KCNQ1OT1: variants seen among roughly 807,000 people sequenced by gnomAD.
KCNQ1OT1 encodes KCNQ1 antisense RNA 2 (non-protein coding).
At chr11:2,692,377 T>C (rs1012722182) in exon 1 of KCNQ1OT1, 8 of 398,672 alleles carry the variant, frequency 2.0e-5, no homozygotes, top group African/African-American at 1.6e-4. Flanking sequence ...CATTCTCACA[T>C]CCCCTGCCCC....
In KCNQ1OT1 at chr11:2,694,740, T is replaced by G. The variant is rs1590037470; in HGVS notation, n.5255A>C. On this transcript the variant is annotated non_coding_transcript_exon_variant, in exon 1 of 1. Transcript: ENST00000597346. Reference sequence around the variant, plus strand: ...AAGAGATAGGCAGCCAACAAATAAGTAGATGTCTAAGGAACTAGAAAAGCG... The same window carrying G: ...AAGAGATAGGCAGCCAACAAATAAGGAGATGTCTAAGGAACTAGAAAAGCG... 6 of 398,366 alleles carry G rather than the reference T, an allele frequency of 1.5e-5. No homozygotes were observed. The East Asian group carries it at 1.8e-4, about 12-fold the overall frequency. 24.7% of individuals were successfully genotyped at this position (398,366 alleles called of 1,614,324 possible). A position where few individuals can be genotyped will look rare whatever the true frequency, so the allele number is the denominator to read the frequency against.
rs1322329405 is a variant in KCNQ1OT1, at chr11:2,626,743, G to T, written n.73252C>A. On this transcript the variant is annotated non_coding_transcript_exon_variant, in exon 1 of 1. Coordinates refer to ENST00000597346, the Ensembl canonical transcript of KCNQ1OT1. The surrounding 1 kb of genome is among the most constrained non-coding windows in gnomAD (Gnocchi z 4.0). ...GAGGTCTCCCTGTGTTCCCCAGGCT[G>T]GTCTCAAACTCCTGGACTCAGAAGT... 2.5e-6 allele frequency: 1 copy of T among 398,216 alleles called. No individual in the cohort carries two copies. Among genetic ancestry groups the T allele is most frequent in the African/African-American group, 2.1e-5 (1 of 48,522 alleles). The allele number at this position is 398,216 out of a possible 1,614,324, so 24.7% of individuals were successfully genotyped here.
chr11:2,651,844 G>A lies in KCNQ1OT1; in HGVS notation n.48151C>T. The A allele has an allele frequency of 2.5e-6, 1 of 398,642 alleles. No homozygotes were observed. The highest frequency in any genetic ancestry group is 4.4e-6 in the Non-Finnish European group (1 of 226,096). 24.7% of individuals were successfully genotyped at this position (398,642 alleles called of 1,614,324 possible). ...GCCCACAGGACCATACCAGACAGAT[G>A]CCACCACATCTTTTCTTGAAGTAGT... On this transcript the variant is annotated non_coding_transcript_exon_variant, in exon 1 of 1. Transcript: ENST00000597346. This position sits in a 1 kb window ranked among gnomAD's most constrained non-coding sequence, Gnocchi z 6.1.
chr11:2,688,518 C>A, exon 1 of KCNQ1OT1: 1 of 398,658 alleles, frequency 2.5e-6, no homozygotes, highest in South Asian at 1.3e-4. Context: ...AGGTAGAGGT[C>A]ACACAGCCAG....
rs912283343 is a variant in KCNQ1OT1, at chr11:2,627,969, C to T, written n.72026G>A. On this transcript the variant is annotated non_coding_transcript_exon_variant, in exon 1 of 1. Coordinates refer to ENST00000597346, the Ensembl canonical transcript of KCNQ1OT1. The surrounding 1 kb of genome is among the most constrained non-coding windows in gnomAD (Gnocchi z 4.9). Reference sequence around the variant, plus strand: ...GTATCACTATGTTTCCTAGGCTGGTCTCAAACTCCTGTGTTCAAGCTATCC... The same window carrying T: ...GTATCACTATGTTTCCTAGGCTGGTTTCAAACTCCTGTGTTCAAGCTATCC... 7 of 398,440 alleles carry T rather than the reference C, an allele frequency of 1.8e-5. No individual in the cohort carries two copies. The highest frequency in any genetic ancestry group is 1.2e-4 in the African/African-American group (6 of 48,586). The allele number at this position is 398,440 out of a possible 1,614,324, so 24.7% of individuals were successfully genotyped here.
chr11:2,638,844 T>C (rs1393013551), exon 1 of KCNQ1OT1: 1 of 152,246 alleles, frequency 6.6e-6, no homozygotes, highest in African/African-American at 2.4e-5. Flanking sequence ...GTCATTTTCA[T>C]GTACACCAGT....
At position 2,657,093 on chromosome 11, in the gene KCNQ1OT1, G is replaced by C; in HGVS notation, n.42902C>G. On this transcript the variant is annotated non_coding_transcript_exon_variant, in exon 1 of 1. Transcript: ENST00000597346. The surrounding 1 kb of genome is among the most constrained non-coding windows in gnomAD (Gnocchi z 4.8). ...CCCATTGGCCTATTTGTCTCTCCCT[G>C]TGTCAATACCACATTGCCCTAATGA... 2.5e-6 allele frequency: 1 copy of C among 398,584 alleles called. No homozygotes were observed. The highest frequency in any genetic ancestry group is 4.4e-6 in the Non-Finnish European group (1 of 226,066). 24.7% of individuals were successfully genotyped at this position (398,584 alleles called of 1,614,324 possible).
Position 2,698,162 on chromosome 11 carries a change from G to C in KCNQ1OT1, n.1833C>G, listed in dbSNP as rs1290078982. 2.5e-6 allele frequency: 1 copy of C among 398,582 alleles called. No individual in the cohort carries two copies. The allele number at this position is 398,582 out of a possible 1,614,324, so 24.7% of individuals were successfully genotyped here. On this transcript the variant is annotated non_coding_transcript_exon_variant, in exon 1 of 1. Transcript: ENST00000597346. This position sits in a 1 kb window ranked among gnomAD's most constrained non-coding sequence, Gnocchi z 5.1. ...GAAAACAAAACAGAGTTCCTCGTTG[G>C]GAGCTTTTGGTCTAGCAAAAGGGGC...
exon 1 of KCNQ1OT1, chr11:2,646,579 G>A: frequency 5.0e-6 from 2 of 398,626 alleles, no homozygotes; most frequent in South Asian, 1.3e-4. Flanking sequence ...AGGCTGGGGT[G>A]CAATGGTGCA....
rs965260330 is a variant in KCNQ1OT1 at position 2,678,242 on chromosome 11, C to G, written n.21753G>C. ...GTCTTTTATGGTTTGAGGTCCTTAT[C>G]TTAAATTCTGAAATAACCTCTCATC... On this transcript the variant is annotated non_coding_transcript_exon_variant, in exon 1 of 1. Coordinates refer to ENST00000597346, the Ensembl canonical transcript of KCNQ1OT1. The surrounding 1 kb of genome is among the most constrained non-coding windows in gnomAD (Gnocchi z 4.9). The G allele has an allele frequency of 7.5e-6, 3 of 398,216 alleles. No homozygotes were observed. The highest frequency in any genetic ancestry group is 6.2e-5 in the African/African-American group (3 of 48,602). The allele number at this position is 398,216 out of a possible 1,614,324, so 24.7% of individuals were successfully genotyped here.
chr11:2,612,230 G>T lies in KCNQ1OT1; in HGVS notation n.87765C>A, dbSNP rs1337314531. On this transcript the variant is annotated non_coding_transcript_exon_variant, in exon 1 of 1. Transcript: ENST00000597346. The surrounding 1 kb of genome is among the most constrained non-coding windows in gnomAD (Gnocchi z 5.5). ...CTCTGCCTCCTGTCTGATCAGTGAT[G>T]GCATTAGATTCTCACAGAGAGCAAA... is the stretch of plus-strand genomic sequence containing the variant. 1 of 398,612 alleles carries T rather than the reference G, an allele frequency of 2.5e-6. No individual in the cohort carries two copies. The highest frequency in any genetic ancestry group is 4.4e-5 in the Admixed American group (1 of 22,738). 24.7% of individuals were successfully genotyped at this position (398,612 alleles called of 1,614,324 possible).
At position 2,608,368 on chromosome 11, in the gene KCNQ1OT1, A is replaced by G; in HGVS notation, n.91627T>C. On this transcript the variant is annotated non_coding_transcript_exon_variant, in exon 1 of 1. Coordinates refer to ENST00000597346, the Ensembl canonical transcript of KCNQ1OT1. The surrounding 1 kb of genome is among the most constrained non-coding windows in gnomAD (Gnocchi z 4.6). ...GTTTTCATCTTTCTAGGAATTTGTC[A>G]ATTTCATCTAAGTTTTATAATTTAT... 2.5e-6 allele frequency: 1 copy of G among 398,514 alleles called. No homozygotes were observed. The highest frequency in any genetic ancestry group is 6.3e-4 in the Middle Eastern group (1 of 1,588). 24.7% of individuals were successfully genotyped at this position (398,514 alleles called of 1,614,324 possible).
exon 1 of KCNQ1OT1, chr11:2,672,961 A>G: frequency 2.5e-6 from 1 of 398,790 alleles, no homozygotes; most frequent in African/African-American, 2.1e-5. Context: ...CATGAACCCC[A>G]GCTGAGTCCC....
chr11:2,608,515 G>T lies in KCNQ1OT1; in HGVS notation n.91480C>A. The T allele has an allele frequency of 2.5e-6, 1 of 398,360 alleles. No homozygotes were observed. The highest frequency in any genetic ancestry group is 4.4e-6 in the Non-Finnish European group (1 of 226,040). The allele number at this position is 398,360 out of a possible 1,614,324, so 24.7% of individuals were successfully genotyped here. ...TTGAGAAACAGAGTCTCTCTCTGTT[G>T]CCCAGGCTGGAATAGAGTGGTGTAA... On this transcript the variant is annotated non_coding_transcript_exon_variant, in exon 1 of 1. Coordinates refer to ENST00000597346, the Ensembl canonical transcript of KCNQ1OT1. The surrounding 1 kb of genome is among the most constrained non-coding windows in gnomAD (Gnocchi z 4.6).
At chr11:2,649,645 TAGA>T (rs1161785749) in exon 1 of KCNQ1OT1, 8 of 398,630 alleles carry the variant, frequency 2.0e-5, no homozygotes, top group East Asian at 1.8e-4. Flanking sequence ...TTTCCTGGCC[TAGA>T]AGGTTTCTGC....
Position 2,613,568 on chromosome 11 carries a change from A to G in KCNQ1OT1, n.86427T>C, listed in dbSNP as rs1011168426. ...CCTGCTATTCTTAGGAAGGCTTAAT[A>G]TTTTTTCTTTAATTAGCACTTTTCA... is the stretch of plus-strand genomic sequence containing the variant. On this transcript the variant is annotated non_coding_transcript_exon_variant, in exon 1 of 1. Coordinates refer to ENST00000597346, the Ensembl canonical transcript of KCNQ1OT1. This position sits in a 1 kb window ranked among gnomAD's most constrained non-coding sequence, Gnocchi z 4.8. The G allele has an allele frequency of 1.0e-5, 4 of 398,144 alleles. No homozygotes were observed. The highest frequency in any genetic ancestry group is 4.4e-5 in the Admixed American group (1 of 22,698). 24.7% of individuals were successfully genotyped at this position (398,144 alleles called of 1,614,324 possible).
rs946196990 is a variant in KCNQ1OT1, at chr11:2,617,949, T to C, written n.82046A>G. On this transcript the variant is annotated non_coding_transcript_exon_variant, in exon 1 of 1. Transcript: ENST00000597346. This position sits in a 1 kb window ranked among gnomAD's most constrained non-coding sequence, Gnocchi z 4.6. ...TTGGATATTATCCTCTTATAAGATATATGGTTGGCAAATATTTTCTTCTAG... is the reference window on the plus strand; with the variant it reads ...TTGGATATTATCCTCTTATAAGATACATGGTTGGCAAATATTTTCTTCTAG... 3 of 398,470 alleles carry C rather than the reference T, an allele frequency of 7.5e-6. No individual in the cohort carries two copies. Among genetic ancestry groups the C allele is most frequent in the Non-Finnish European group, 1.3e-5 (3 of 226,050 alleles). 24.7% of individuals were successfully genotyped at this position (398,470 alleles called of 1,614,324 possible). A position where few individuals can be genotyped will look rare whatever the true frequency, so the allele number is the denominator to read the frequency against.
At chr11:2,650,422 G>C (rs570610866) in exon 1 of KCNQ1OT1, 1 of 398,538 alleles carries the variant, frequency 2.5e-6, no homozygotes, top group Non-Finnish European at 4.4e-6. Flanking sequence ...GACTTTTCCT[G>C]TACACGCGTC....
exon 1 of KCNQ1OT1, chr11:2,634,128 C>A (rs1225988946): frequency 2.9e-6 from 1 of 339,918 alleles, no homozygotes; most frequent in Admixed American, 6.5e-5. Context: ...TGAAGATTGT[C>A]TTTGGTATTT....
Sources: allele counts gnomAD v4.1 joint callset, GRCh38; gene constraint gnomAD v4.1.1; non-coding constraint Gnocchi (gnomAD v3.1); transcripts MANE v1.5; gene names NCBI Gene and HGNC (gene_info 2026-07-23, HGNC 2026-07-21).